The following BCAS3 variants were observed in gnomAD, a reference collection of about 807,000 sequenced individuals.
BCAS3 encodes the protein BCAS4/BCAS3 fusion.
BCAS3 carries 53 observed loss-of-function variants against 116.1 expected under a neutral mutation model. That is an observed-to-expected ratio of 0.46 (90% CI 0.37 to 0.57). The LOEUF is 0.57. Ranked by LOEUF, BCAS3 falls within the 20% of genes least tolerant of loss-of-function variation. The probability of loss-of-function intolerance (pLI) is 0.00; values close to 1 mark genes in which losing one functional copy is unlikely to be tolerated. For synonymous variants in BCAS3, 391 were observed against 408.2 expected (o/e 0.96, Z 0.51); for missense variants, 917 against 1,165.4 (o/e 0.79, Z 3.10).
intron 22 of BCAS3, among the ~76,000 whole-genome samples, chr17:61,091,053 C>T (rs1299077388): frequency 6.6e-6 from 1 of 152,098 alleles, no homozygotes; most frequent in Non-Finnish European, 1.5e-5. Context: ...AATGATAGCC[C>T]CATTTGAAGA....
At chr17:60,979,312 G>A (rs1366735996) in intron 14 of BCAS3, among the ~76,000 whole-genome samples, 3 of 147,208 alleles carry the variant, frequency 2.0e-5, no homozygotes, top group African/African-American at 7.6e-5. Context: ...TTTGTCTGTT[G>A]TTGGTGTATA....
At chr17:60,937,177 C>T (rs577430160) in intron 13 of BCAS3, among the ~76,000 whole-genome samples, 45 of 151,788 alleles carry the variant, frequency 3.0e-4, no homozygotes, top group African/African-American at 9.2e-4. Flanking sequence ...TGTAGATATG[C>T]GACATTATTT....
chr17:61,333,141 G>A lies in BCAS3; in HGVS notation c.2426-35186G>A, dbSNP rs951652378. Among the ~76,000 whole-genome samples, 1 of 152,176 alleles carries A rather than the reference G, an allele frequency of 6.6e-6. No homozygotes were observed. The highest frequency in any genetic ancestry group is 1.5e-5 in the Non-Finnish European group (1 of 68,036). Reference sequence around the variant, plus strand: ...TGGACCCCACTCACACCTATTTCTGGACCTTTATTGGCAGGTGGGTCAGAG... The same window carrying A: ...TGGACCCCACTCACACCTATTTCTGAACCTTTATTGGCAGGTGGGTCAGAG... On this transcript the variant is annotated intron_variant, in intron 22 of 23. Transcript: ENST00000407086. The surrounding 1 kb of genome is among the most constrained non-coding windows in gnomAD (Gnocchi z 4.8).
At chr17:61,003,957 T>C (rs2064465382) in intron 15 of BCAS3, 1 of 152,136 alleles carries the variant, frequency 6.6e-6, no homozygotes, top group African/African-American at 2.4e-5. Flanking sequence ...TGTACGCTGG[T>C]CAGTTTTCCC....
rs778823341 is a variant in BCAS3 at position 61,199,281 on chromosome 17, T to G, written c.2425+114717T>G. ...TCTGTTCTGTTGTGTAGAATGTATA[T>G]GCTGCCAGCCAGCCTTACTCTTTCC... On this transcript the variant is annotated intron_variant, in intron 22 of 23. Coordinates refer to ENST00000407086, the MANE Select transcript of BCAS3 (RefSeq NM_017679.5). The surrounding 1 kb of genome is among the most constrained non-coding windows in gnomAD (Gnocchi z 4.6). 9.9e-5 allele frequency among the ~76,000 whole-genome samples: 15 copies of G among 152,232 alleles called. No individual in the cohort carries two copies. Among genetic ancestry groups the G allele is most frequent in the Non-Finnish European group, 1.8e-4 (12 of 68,042 alleles).
At chr17:60,785,809 CTG>C (rs761941031) in intron 6 of BCAS3, among the ~76,000 whole-genome samples, 1 of 152,200 alleles carries the variant, frequency 6.6e-6, no homozygotes, top group Non-Finnish European at 1.5e-5. Flanking sequence ...GTTTCCACAT[CTG>C]TGGATTCAAC....
chr17:61,018,553 C>T (rs1275223769), intron 16 of BCAS3, among the ~76,000 whole-genome samples: 7 of 152,050 alleles, frequency 4.6e-5, no homozygotes, highest in Non-Finnish European at 5.9e-5. Flanking sequence ...CCACCTGCCT[C>T]GGCCTCCCAA....
rs762199443 is a variant in BCAS3 at position 61,366,943 on chromosome 17, A to G, written c.2426-1384A>G. On this transcript the variant is annotated intron_variant, in intron 22 of 23. Coordinates refer to ENST00000407086, the MANE Select transcript of BCAS3 (RefSeq NM_017679.5). This position sits in a 1 kb window ranked among gnomAD's most constrained non-coding sequence, Gnocchi z 4.5. ...ATTATCTGGCCCTCTTTGCTGATGT[A>G]TGGAGTCACCGGCTGTCGGAGTGTT... 3.6e-4 allele frequency among the ~76,000 whole-genome samples: 55 copies of G among 152,196 alleles called. No homozygotes were observed. Among genetic ancestry groups the G allele is most frequent in the Non-Finnish European group, 1.2e-4 (8 of 68,038 alleles).
intron 22 of BCAS3, among the ~76,000 whole-genome samples, chr17:61,266,934 G>T (rs1307343975): frequency 6.6e-6 from 1 of 152,094 alleles, no homozygotes; most frequent in Non-Finnish European, 1.5e-5. Flanking sequence ...CACTATCTCT[G>T]GCCAGAGATA....
In BCAS3 at chr17:61,145,286, T is replaced by C. The variant is rs1195967576; in HGVS notation, c.2425+60722T>C. On this transcript the variant is annotated intron_variant, in intron 22 of 23. Coordinates refer to ENST00000407086, the MANE Select transcript of BCAS3 (RefSeq NM_017679.5). This position sits in a 1 kb window ranked among gnomAD's most constrained non-coding sequence, Gnocchi z 5.0. The stretch of plus-strand genomic sequence containing the variant: ...GATGGTTCTGCAACTCATCACCAGC[T>C]ATGCAAACTGACAGTTCACATCCTG... 3.9e-5 allele frequency among the ~76,000 whole-genome samples: 6 copies of C among 152,232 alleles called. No individual in the cohort carries two copies.
Position 61,145,927 on chromosome 17 carries a change from A to G in BCAS3, c.2425+61363A>G, listed in dbSNP as rs943048334. ...GTTTGCAGAGACTGCCAAACCTTCC[A>G]TTGCCGCTTCCAAGATACTCCTGGA... On this transcript the variant is annotated intron_variant, in intron 22 of 23. Coordinates refer to ENST00000407086, the MANE Select transcript of BCAS3 (RefSeq NM_017679.5). The surrounding 1 kb of genome is among the most constrained non-coding windows in gnomAD (Gnocchi z 5.0). Among the ~76,000 whole-genome samples, 1 of 151,596 alleles carries G rather than the reference A, an allele frequency of 6.6e-6. No individual in the cohort carries two copies. Among genetic ancestry groups the G allele is most frequent in the South Asian group, 2.1e-4 (1 of 4,788 alleles).
chr17:60,755,689 C>T (rs970966889), intron 6 of BCAS3, among the ~76,000 whole-genome samples: 5 of 152,104 alleles, frequency 3.3e-5, no homozygotes, highest in Non-Finnish European at 7.4e-5. Context: ...AGATATTCTT[C>T]TTTTCAATAT....
intron 22 of BCAS3, among the ~76,000 whole-genome samples, chr17:61,107,675 G>T (rs888404178): frequency 7.9e-5 from 12 of 152,136 alleles, no homozygotes; most frequent in African/African-American, 9.7e-5. Flanking sequence ...CCAAGTTATT[G>T]CATGTATCAA....
chr17:61,074,512 AT>A (rs1369374482), intron 19 of BCAS3, among the ~76,000 whole-genome samples: 1 of 152,004 alleles, frequency 6.6e-6, no homozygotes. Context: ...GGATAAATGA[AT>A]TTTTTTTAGG....
chr17:60,770,598 T>C (rs564239535), intron 6 of BCAS3, among the ~76,000 whole-genome samples: 136 of 151,084 alleles, frequency 9.0e-4, no homozygotes, highest in African/African-American at 3.1e-3. Flanking sequence ...TTTGTATTTT[T>C]AGTAGAGACA....
At chr17:61,031,514 T>G (rs1321593980) in intron 16 of BCAS3, among the ~76,000 whole-genome samples, 1 of 152,122 alleles carries the variant, frequency 6.6e-6, no homozygotes, top group Non-Finnish European at 1.5e-5. Context: ...AGAAGATATT[T>G]TATTCATAAC....
chr17:60,743,565 AG>A (rs2041784091), intron 5 of BCAS3, among the ~76,000 whole-genome samples: 2 of 151,356 alleles, frequency 1.3e-5, no homozygotes, highest in South Asian at 2.1e-4. Flanking sequence ...CAGTATCTAT[AG>A]GGGAAAGTGG....
At chr17:61,303,091 T>G (rs1253611404) in intron 22 of BCAS3, among the ~76,000 whole-genome samples, 1 of 152,214 alleles carries the variant, frequency 6.6e-6, no homozygotes, top group African/African-American at 2.4e-5. Context: ...CCGAAGCACT[T>G]CAGCCCTTGT....
At chr17:61,374,109 C>T (rs1225177711) in intron 23 of BCAS3, among the ~76,000 whole-genome samples, 1 of 150,906 alleles carries the variant, frequency 6.6e-6, no homozygotes, top group Non-Finnish European at 1.5e-5. Flanking sequence ...AACCGCAGTT[C>T]CTGGCCCCCA....
Sources: allele counts gnomAD v4.1 joint callset (sites outside exome capture counted in the v4.1 genomes callset), GRCh38; gene constraint gnomAD v4.1.1; non-coding constraint Gnocchi (gnomAD v3.1); transcripts MANE v1.5; gene names NCBI Gene and HGNC (gene_info 2026-07-23, HGNC 2026-07-21).